ENDOV: variants seen among roughly 807,000 people sequenced by gnomAD.
The protein encoded by ENDOV is endonuclease V.
In ENDOV, 37 loss-of-function variants were observed where a neutral mutation model predicts 39.4. The ratio of observed to expected loss-of-function variants is 0.94; its 90% CI spans 0.72 to 1.23. The LOEUF (loss-of-function observed/expected upper bound fraction) is 1.23, where lower values mean the gene tolerates loss of function less well. Among genes scored for constraint, ENDOV ranks in the 50% most tolerant of loss-of-function variants. The pLI, the probability that ENDOV is intolerant of heterozygous loss-of-function variation, is 0.00. For missense variants in ENDOV, 441 were observed against 375.7 expected (o/e 1.17, Z -1.44); for synonymous variants, 186 against 163.4 (o/e 1.14, Z -1.05).
intron 9 of ENDOV, among the ~76,000 whole-genome samples, chr17:80,434,186 G>GCCGACGTGGAATCACCGTGTGTCTCTGGA: frequency 6.6e-6 from 1 of 152,118 alleles, no homozygotes. Context: ...TGGGCGCCAT[G>GCCGACGTGGAATCACCGTGTGTCTCTGGA]CAGGCGTGGA....
chr17:80,422,942 G>A (rs530655723), intron 4 of ENDOV, among the ~76,000 whole-genome samples: 1 of 152,174 alleles, frequency 6.6e-6, no homozygotes, highest in Admixed American at 6.5e-5. Context: ...CTCGTGATCC[G>A]CCTGCCTCGG....
At chr17:80,432,856 C>G (rs1431093876) in intron 9 of ENDOV, among the ~76,000 whole-genome samples, 1 of 152,082 alleles carries the variant, frequency 6.6e-6, no homozygotes, top group Admixed American at 6.5e-5. Flanking sequence ...TCCACCTCCC[C>G]GAGGGCACTC....
chr17:80,427,415 G>A lies in ENDOV; in HGVS notation c.715-1181G>A, dbSNP rs944155188. The A allele has an allele frequency of 3.0e-6, 3 of 985,290 alleles. No individual in the cohort carries two copies. The Admixed American group carries it at 1.8e-4, about 61-fold the overall frequency. The allele number at this position is 985,290 out of a possible 1,614,324, so 61.0% of individuals were successfully genotyped here. A position where few individuals can be genotyped will look rare whatever the true frequency, so the allele number is the denominator to read the frequency against. On this transcript the variant is annotated intron_variant, in intron 7 of 9. Coordinates refer to ENST00000518137, the MANE Select transcript of ENDOV (RefSeq NM_173627.5). ...AGTGGCCCATCCTTGCAAGGGAGGG[G>A]ACACCTGGCCTGTGAGTACCTTAAG...
At chr17:80,424,920 ACTTCAGCCTGGGCAACAGTG>A (rs1453934803) in intron 5 of ENDOV, 92 bp from the exon 6 acceptor site, 1 of 857,554 alleles carries the variant, frequency 1.2e-6, no homozygotes, top group Non-Finnish European at 1.9e-6. Context: ...GCGCCACTGT[ACTTCAGCCTGGGCAACAGTG>A]CGACACTCCG....
Position 80,423,479 on chromosome 17 carries a change from A to G in ENDOV, c.404-41A>G, listed in dbSNP as rs1008765854. 5 of 782,782 alleles carry G rather than the reference A, an allele frequency of 6.4e-6. No homozygotes were observed. In the Admixed American group the frequency reaches 6.8e-5, roughly 11 times the overall value. 48.5% of individuals were successfully genotyped at this position (782,782 alleles called of 1,614,324 possible). ...GTCCTGAATCCCTGTGCCAGGCCCC[A>G]GCCCCACCTCCCCAACCCCACCCTC... On this transcript the variant is annotated intron_variant, in intron 4 of 9. Coordinates refer to ENST00000518137, the MANE Select transcript of ENDOV (RefSeq NM_173627.5).
At chr17:80,428,535 C>A in intron 7 of ENDOV, 61 bp from the exon 8 acceptor site, 1 of 1,490,640 alleles carries the variant, frequency 6.7e-7, no homozygotes, top group South Asian at 1.2e-5. Context: ...AGCAGCAGCT[C>A]CTGGTGGGAA....
chr17:80,436,455 C>A lies in ENDOV; in HGVS notation c.*312C>A. 3.7e-6 allele frequency: 4 copies of A among 1,067,706 alleles called. No homozygotes were observed. Among genetic ancestry groups the A allele is most frequent in the South Asian group, 1.6e-5 (1 of 60,662 alleles). The allele number at this position is 1,067,706 out of a possible 1,614,324, so 66.1% of individuals were successfully genotyped here. ...CAGCTGAAGACGGTCCCTTCTAGTC[C>A]TAATTTGTTAAGTGTTTTTATCCTT... On this transcript the variant is annotated 3_prime_UTR_variant, in exon 10 of 10. Transcript: ENST00000518137.
chr17:80,428,608 TC>T lies in ENDOV; in HGVS notation c.730del (p.Arg244GlufsTer58). The T allele has an allele frequency of 8.2e-6, 13 of 1,584,144 alleles. No homozygotes were observed. Among genetic ancestry groups the T allele is most frequent in the Non-Finnish European group, 1.0e-5 (12 of 1,165,912 alleles). On this transcript the variant is annotated frameshift_variant, in exon 8 of 10. Transcript: ENST00000518137. LOFTEE classifies it high-confidence loss of function. The stretch of plus-strand genomic sequence containing the variant: ...CTGTCTCCCCCAGGCTGACATCTGC[TC>T]CCGAGAGCACATCCGCAAGTCGCTG... ...PEPVRQADIC[S>X]REHIRKSLGL...
chr17:80,432,626 T>C (rs577338902), intron 9 of ENDOV, among the ~76,000 whole-genome samples: 1 of 152,262 alleles, frequency 6.6e-6, no homozygotes, highest in East Asian at 1.9e-4. Flanking sequence ...CCCCTCATGC[T>C]GGCCCCCAGG....
Position 80,436,348 on chromosome 17 carries a change from T to C in ENDOV, c.*205T>C, listed in dbSNP as rs2083595869. 1 of 1,530,264 alleles carries C rather than the reference T, an allele frequency of 6.5e-7. No homozygotes were observed. Among genetic ancestry groups the C allele is most frequent in the East Asian group, 2.4e-5 (1 of 41,842 alleles). The allele number at this position is 1,530,264 out of a possible 1,614,324, so 94.8% of individuals were successfully genotyped here. A position where few individuals can be genotyped will look rare whatever the true frequency, so the allele number is the denominator to read the frequency against. On this transcript the variant is annotated 3_prime_UTR_variant, in exon 10 of 10. Coordinates refer to ENST00000518137, the MANE Select transcript of ENDOV (RefSeq NM_173627.5). The stretch of plus-strand genomic sequence containing the variant: ...GGTGAGAGCACACGTCCTTGTCTTG[T>C]TCCTGATCTTAAGGGAACGTTTGCA...
intron 6 of ENDOV, 28 bp from the exon 7 acceptor site, chr17:80,425,464 A>T (rs760280226): frequency 1.3e-6 from 2 of 1,582,884 alleles, no homozygotes; most frequent in South Asian, 1.1e-5. Context: ...CCCAGCCCAC[A>T]GGACAGCCCT....
intron 2 of ENDOV, among the ~76,000 whole-genome samples, chr17:80,416,699 C>G (rs959169451): frequency 7.4e-6 from 1 of 135,130 alleles, no homozygotes; most frequent in Non-Finnish European, 1.6e-5. Flanking sequence ...CCCCTCCCTC[C>G]CTCCCTCCCT....
chr17:80,416,563 G>T (rs561982834), intron 2 of ENDOV, among the ~76,000 whole-genome samples: 2 of 152,230 alleles, frequency 1.3e-5, no homozygotes, highest in South Asian at 4.1e-4. Context: ...CATCACTCCT[G>T]TGGGTTCCTG....
intron 2 of ENDOV, 115 bp downstream of exon 2, chr17:80,415,936 C>A: frequency 7.4e-7 from 1 of 1,343,130 alleles, no homozygotes; most frequent in Non-Finnish European, 1.0e-6. Flanking sequence ...TGTAGGATGT[C>A]ATTAATAGTC....
At chr17:80,422,370 T>C (rs2082159268) in intron 4 of ENDOV, 125 bp downstream of exon 4, 5 of 1,192,082 alleles carry the variant, frequency 4.2e-6, no homozygotes, top group Non-Finnish European at 6.0e-6. Context: ...CTCCAATGGC[T>C]TCTTTCTCGG....
At chr17:80,421,469 G>T (rs1278032036) in intron 2 of ENDOV, among the ~76,000 whole-genome samples, 2 of 138,158 alleles carry the variant, frequency 1.4e-5, no homozygotes, top group South Asian at 2.3e-4. Context: ...CGGGGTGGGG[G>T]TTCTCATATG....
At chr17:80,426,697 G>A (rs553152163) in intron 7 of ENDOV, among the ~76,000 whole-genome samples, 2 of 152,362 alleles carry the variant, frequency 1.3e-5, no homozygotes, top group Non-Finnish European at 2.9e-5. Flanking sequence ...TGTGGCCGGA[G>A]CCAGATGGCA....
intron 4 of ENDOV, 45 bp downstream of exon 4, chr17:80,422,290 GC>G (rs201225272): frequency 1.5e-4 from 233 of 1,600,566 alleles, no homozygotes; most frequent in East Asian, 2.2e-4. Context: ...GTGGGGAAGA[GC>G]GGGGGGAGAG....
At chr17:80,415,463 G>C in intron 1 of ENDOV, 187 bp from the exon 2 acceptor site, 1 of 993,930 alleles carries the variant, frequency 1.0e-6, no homozygotes, top group African/African-American at 1.6e-5. Context: ...AGTTTGTCTG[G>C]CCTGCGCTTG....
Sources: gnomAD v4.1 joint callset for allele counts (sites outside exome capture counted in the v4.1 genomes callset) on GRCh38, gnomAD v4.1.1 for gene constraint, MANE v1.5 for transcripts, NCBI Gene and HGNC (gene_info 2026-07-23, HGNC 2026-07-21) for gene names.